VPS13D: variants seen among roughly 807,000 people sequenced by gnomAD.
VPS13D encodes the protein intermembrane lipid transfer protein VPS13D.
Under a neutral mutation model 461.9 loss-of-function variants are expected in VPS13D, and 187 were observed. The ratio of observed to expected loss-of-function variants is 0.40; its 90% CI spans 0.36 to 0.46. The LOEUF (loss-of-function observed/expected upper bound fraction) is 0.46, where lower values mean the gene tolerates loss of function less well. Among genes scored for constraint, VPS13D ranks in the 20% least tolerant of loss-of-function variants. The pLI is 0.60. For synonymous variants in VPS13D, 1,951 were observed against 1,986.3 expected (o/e 0.98, Z 0.47); for missense variants, 4,711 against 5,364.9 (o/e 0.88, Z 3.81).
chr1:12,403,724 CT>C (rs1557759280), intron 62 of VPS13D, 100 bp from the exon 63 acceptor site: 4 of 1,223,994 alleles, frequency 3.3e-6, no homozygotes, highest in Non-Finnish European at 4.4e-6. Flanking sequence ...AGATGGTTTC[CT>C]TTTTTTGATG....
chr1:12,323,613 G>T (rs2101534482), intron 34 of VPS13D, 93 bp from the exon 35 acceptor site: 1 of 1,284,500 alleles, frequency 7.8e-7, no homozygotes, highest in Non-Finnish European at 1.1e-6. Flanking sequence ...TTAGTCACGG[G>T]TTTTTAAATT....
intron 1 of VPS13D, among the ~76,000 whole-genome samples, chr1:12,230,691 T>G (rs1462365277): frequency 6.6e-6 from 1 of 151,952 alleles, no homozygotes; most frequent in African/African-American, 2.4e-5. Flanking sequence ...TCTCTTTACC[T>G]TTTGCCCCCC....
chr1:12,305,768 A>T (rs886490586), intron 26 of VPS13D, among the ~76,000 whole-genome samples: 1 of 152,138 alleles, frequency 6.6e-6, no homozygotes, highest in African/African-American at 2.4e-5. Context: ...TGTTACATAG[A>T]TCCGAGGAAT....
intron 58 of VPS13D, among the ~76,000 whole-genome samples, chr1:12,383,864 T>A (rs138860189): frequency 1.3e-5 from 2 of 152,288 alleles, no homozygotes; most frequent in East Asian, 3.9e-4. Context: ...ACATACGATG[T>A]GGAAGTTGAC....
intron 47 of VPS13D, among the ~76,000 whole-genome samples, chr1:12,355,116 G>A (rs959138095): frequency 2.0e-5 from 3 of 152,196 alleles, no homozygotes; most frequent in African/African-American, 7.2e-5. Flanking sequence ...GAACACAGTT[G>A]GAATACTCAG....
chr1:12,432,056 A>T lies in VPS13D; in HGVS notation c.12333+15229A>T, dbSNP rs145275690. ...TAAATGTTCATATGTTTTTCTCTGTATGTTGTTAGAATTGTCATCGGGTTC... is the reference window on the plus strand; with the variant it reads ...TAAATGTTCATATGTTTTTCTCTGTTTGTTGTTAGAATTGTCATCGGGTTC... On this transcript the variant is annotated intron_variant, in intron 65 of 69. Coordinates refer to ENST00000620676, the MANE Select transcript of VPS13D (RefSeq NM_015378.4). Among the ~76,000 whole-genome samples the T allele has an allele frequency of 3.3e-5, 5 of 152,270 alleles. No homozygotes were observed. In the East Asian group the frequency reaches 5.8e-4, roughly 18 times the overall value.
intron 30 of VPS13D, among the ~76,000 whole-genome samples, chr1:12,314,576 TCTC>T (rs1642840911): frequency 1.3e-5 from 2 of 152,156 alleles, no homozygotes. Context: ...TTAAAATCAA[TCTC>T]CTTGTAAGCT....
chr1:12,435,145 T>A (rs773695979), intron 65 of VPS13D, among the ~76,000 whole-genome samples: 2 of 152,228 alleles, frequency 1.3e-5, no homozygotes, highest in African/African-American at 2.4e-5. Flanking sequence ...ACACTGATAC[T>A]GATTGCCCAG....
chr1:12,235,053 C>T (rs1640100593), intron 2 of VPS13D, among the ~76,000 whole-genome samples: 1 of 152,194 alleles, frequency 6.6e-6, no homozygotes, highest in South Asian at 2.1e-4. Flanking sequence ...TTTAAATTCT[C>T]TTTGCTCAGC....
At chr1:12,374,557 CTCTTTT>C (rs1288659833) in intron 55 of VPS13D, among the ~76,000 whole-genome samples, 1 of 152,090 alleles carries the variant, frequency 6.6e-6, no homozygotes, top group Non-Finnish European at 1.5e-5. Context: ...AGTGAGGCTA[CTCTTTT>C]TCTTTTTATA....
At chr1:12,421,923 G>A (rs914425387) in intron 65 of VPS13D, among the ~76,000 whole-genome samples, 6 of 152,084 alleles carry the variant, frequency 3.9e-5, no homozygotes, top group Admixed American at 6.5e-5. Context: ...CTGGGTTCAA[G>A]CGATCCTCCC....
chr1:12,356,333 A>G lies in VPS13D; in HGVS notation c.9872-65A>G. ...TCCCGCTTGATGGTTTTATTCATTCACCATTTGCATCTCTTTCAGATAGAC... is the reference window on the plus strand; with the variant it reads ...TCCCGCTTGATGGTTTTATTCATTCGCCATTTGCATCTCTTTCAGATAGAC... On this transcript the variant is annotated intron_variant, in intron 48 of 69. Coordinates refer to ENST00000620676, the MANE Select transcript of VPS13D (RefSeq NM_015378.4). 1.5e-5 allele frequency: 23 copies of G among 1,538,232 alleles called. No homozygotes were observed. The South Asian group carries it at 2.8e-4, about 19-fold the overall frequency.
At chr1:12,421,080 A>G (rs1644856432) in intron 65 of VPS13D, among the ~76,000 whole-genome samples, 1 of 152,218 alleles carries the variant, frequency 6.6e-6, no homozygotes, top group African/African-American at 2.4e-5. Flanking sequence ...AGGAAATATA[A>G]GTAGGAAATA....
intron 35 of VPS13D, among the ~76,000 whole-genome samples, chr1:12,324,123 G>A (rs1557709681): frequency 1.3e-5 from 2 of 152,058 alleles, no homozygotes; most frequent in Non-Finnish European, 2.9e-5. Flanking sequence ...TGGCCAGACT[G>A]GTCTCGAACT....
intron 65 of VPS13D, among the ~76,000 whole-genome samples, chr1:12,453,029 T>C (rs998760226): frequency 2.0e-5 from 3 of 152,156 alleles, no homozygotes; most frequent in African/African-American, 7.2e-5. Context: ...AATCCAGCAT[T>C]AGAGGGAAGA....
chr1:12,303,299 A>G (rs973929215), intron 25 of VPS13D, among the ~76,000 whole-genome samples: 1 of 152,160 alleles, frequency 6.6e-6, no homozygotes, highest in Non-Finnish European at 1.5e-5. Flanking sequence ...TTTTTTGCAT[A>G]TGCTTTTATT....
In VPS13D at chr1:12,293,568, G is replaced by C. The variant is rs180883554; in HGVS notation, c.5897G>C (p.Arg1966Pro). The C allele has an allele frequency of 1.2e-6, 2 of 1,613,876 alleles. No individual in the cohort carries two copies. Among genetic ancestry groups the C allele is most frequent in the Admixed American group, 3.3e-5 (2 of 60,010 alleles). Reference sequence around the variant, plus strand: ...CTGCTCCGGAGAGAACACGACATTCGCGTGAGCCTCCGGATGGCCTCTGTG... The same window carrying C: ...CTGCTCCGGAGAGAACACGACATTCCCGTGAGCCTCCGGATGGCCTCTGTG... Reference protein sequence around the residue: ...DPLLRREHDIRVSLRMASVQY... With the variant: ...DPLLRREHDIPVSLRMASVQY... The change falls in exon 24 of 70, where the codon CGC becomes CCC. Residue 1966 changes from arginine to proline, a missense_variant. Arg to Pro is a moderately radical substitution (Grantham distance 103). This residue lies in a region of VPS13D where 4,411 missense variants were observed against 4,937.8 expected (regional missense o/e 0.89). Transcript: ENST00000620676.
intron 46 of VPS13D, among the ~76,000 whole-genome samples, chr1:12,349,736 AG>A (rs1431821077): frequency 6.6e-6 from 1 of 152,192 alleles, no homozygotes; most frequent in Non-Finnish European, 1.5e-5. Flanking sequence ...TGGGGTTTGG[AG>A]TTTTTTGAAT....
At chr1:12,367,504 A>G (rs1644052560) in intron 52 of VPS13D, among the ~76,000 whole-genome samples, 2 of 152,156 alleles carry the variant, frequency 1.3e-5, no homozygotes, top group Admixed American at 1.3e-4. Context: ...CCTTTCATTC[A>G]ATGGTTTAAT....
Sources: allele counts gnomAD v4.1 joint callset (sites outside exome capture counted in the v4.1 genomes callset), GRCh38; gene constraint gnomAD v4.1.1; regional missense constraint gnomAD v4.1.1; transcripts MANE v1.5; gene names NCBI Gene and HGNC (gene_info 2026-07-23, HGNC 2026-07-21).